Variants in YME1L1 observed in about 807,000 individuals in gnomAD.
YME1L1 encodes the protein YME1 like 1 ATPase.
In YME1L1, 39 loss-of-function variants were observed where a neutral mutation model predicts 90.4. The observed-to-expected ratio is 0.43, with a 90% CI of 0.33 to 0.56. The LOEUF (loss-of-function observed/expected upper bound fraction) is 0.56. Among genes scored for constraint, YME1L1 ranks in the 20% least tolerant of loss-of-function variants. The pLI is 0.03. For missense variants in YME1L1, 617 were observed against 868.4 expected (o/e 0.71, Z 3.64); for synonymous variants, 284 against 287.3 (o/e 0.99, Z 0.12).
At chr10:27,133,686 T>TA (rs368323760) in intron 7 of YME1L1, among the ~76,000 whole-genome samples, 5 of 151,672 alleles carry the variant, frequency 3.3e-5, no homozygotes, top group Non-Finnish European at 7.4e-5. Flanking sequence ...ATAAGCAAAC[T>TA]AAAAAAAAGG....
chr10:27,143,009 G>A (rs910956689), intron 3 of YME1L1, among the ~76,000 whole-genome samples: 34 of 152,046 alleles, frequency 2.2e-4, no homozygotes, highest in Non-Finnish European at 3.7e-4. Context: ...GAGCCACTGT[G>A]CCCAGCCTAC....
intron 8 of YME1L1, among the ~76,000 whole-genome samples, chr10:27,131,652 C>A (rs2056978687): frequency 6.6e-6 from 1 of 152,208 alleles, no homozygotes; most frequent in South Asian, 2.1e-4. Context: ...CTACACCAGG[C>A]TGCTCCTTCA....
At chr10:27,127,125 C>T (rs1454110074) in intron 8 of YME1L1, among the ~76,000 whole-genome samples, 1 of 152,160 alleles carries the variant, frequency 6.6e-6, no homozygotes, top group South Asian at 2.1e-4. Flanking sequence ...TAGCTTCACG[C>T]CAAAGGGCAT....
At chr10:27,121,530 GT>G (rs1267942682) in intron 11 of YME1L1, 82 bp from the exon 12 acceptor site, 2 of 1,061,630 alleles carry the variant, frequency 1.9e-6, no homozygotes, top group Non-Finnish European at 2.9e-6. Context: ...AAACTGGTTT[GT>G]TTTCTTTTTT....
chr10:27,144,053 C>T (rs577046974), intron 3 of YME1L1, among the ~76,000 whole-genome samples: 22 of 152,218 alleles, frequency 1.4e-4, no homozygotes, highest in African/African-American at 5.3e-4. Flanking sequence ...AATTTAGGGA[C>T]TTTTTTCAAG....
At chr10:27,127,330 CAT>C (rs969577091) in intron 8 of YME1L1, among the ~76,000 whole-genome samples, 3 of 152,118 alleles carry the variant, frequency 2.0e-5, no homozygotes, top group Non-Finnish European at 4.4e-5. Context: ...TGGTTAAAAA[CAT>C]AGCATTTTCT....
chr10:27,154,189 C>A lies in YME1L1; in HGVS notation c.22G>T (p.Val8Leu). 6.3e-7 allele frequency: 1 copy of A among 1,591,460 alleles called. No homozygotes were observed. The highest frequency in any genetic ancestry group is 1.7e-5 in the Admixed American group (1 of 57,158). ...AATGCCTGGCTTACCTGGGGTTGCA[C>A]CGTGCTCGACAAGGAAAACATCTCC... The part of the protein sequence containing the change: MFSLSST[V>L]QPQVTVPLSH... The change falls in exon 1 of 19, where the codon GTG becomes TTG. Residue 8 changes from valine to leucine, a missense_variant. Physicochemically the swap from Val to Leu is conservative, Grantham distance 32 (BLOSUM62 1). Around this residue, in one of 4 missense-constraint regions of YME1L1, gnomAD observed 311 missense variants for 335.8 expected, o/e 0.93. Coordinates refer to ENST00000376016, the MANE Select transcript of YME1L1 (RefSeq NM_014263.4).
At chr10:27,153,256 C>G (rs769211494) in intron 1 of YME1L1, 5 of 470,536 alleles carry the variant, frequency 1.1e-5, no homozygotes, top group Admixed American at 2.4e-5. Flanking sequence ...CAATAACAAG[C>G]AGCTGCTTCA....
Position 27,114,623 on chromosome 10 carries a change from A to C in YME1L1, c.1921-16T>G. The C allele has an allele frequency of 6.2e-7, 1 of 1,602,010 alleles. No individual in the cohort carries two copies. Among genetic ancestry groups the C allele is most frequent in the Non-Finnish European group, 8.5e-7 (1 of 1,173,342 alleles). ...TAACTCCAAGCTAAAACCAAAAGGAAGAAAGTAATTGAACAGAAAACCCCC... is the reference window on the plus strand; with the variant it reads ...TAACTCCAAGCTAAAACCAAAAGGACGAAAGTAATTGAACAGAAAACCCCC... On this transcript the variant is annotated splice_polypyrimidine_tract_variant and intron_variant, in intron 17 of 18. Coordinates refer to ENST00000376016, the MANE Select transcript of YME1L1 (RefSeq NM_014263.4).
chr10:27,145,297 A>AAAC, intron 3 of YME1L1, 131 bp downstream of exon 3: 6 of 783,740 alleles, frequency 7.7e-6, no homozygotes, highest in East Asian at 3.1e-5. Context: ...TGCAAAAAAA[A>AAAC]AAACAAAAAA....
At chr10:27,126,085 T>C (rs1390698766) in intron 9 of YME1L1, among the ~76,000 whole-genome samples, 1 of 152,096 alleles carries the variant, frequency 6.6e-6, no homozygotes, top group Non-Finnish European at 1.5e-5. Context: ...TAGTTAAAAA[T>C]TTATTTATTT....
intron 6 of YME1L1, 107 bp from the exon 7 acceptor site, chr10:27,134,229 C>T (rs2135876035): frequency 1.1e-6 from 1 of 905,768 alleles, no homozygotes; most frequent in Non-Finnish European, 1.7e-6. Flanking sequence ...TCATCACATC[C>T]AATTTTGGAA....
At chr10:27,115,167 C>T (rs575605011) in intron 17 of YME1L1, among the ~76,000 whole-genome samples, 28 of 152,232 alleles carry the variant, frequency 1.8e-4, no homozygotes, top group Non-Finnish European at 2.8e-4. Flanking sequence ...GCAGGAGAAT[C>T]GCTTGAACCC....
Position 27,132,374 on chromosome 10 carries a change from C to G in YME1L1, c.776-433G>C, listed in dbSNP as rs373011363. Among the ~76,000 whole-genome samples, 50 of 151,324 alleles carry G rather than the reference C, an allele frequency of 3.3e-4. 1 individual carries two copies. The East Asian group carries it at 6.8e-3, about 20-fold the overall frequency. On this transcript the variant is annotated intron_variant, in intron 7 of 18. Transcript: ENST00000376016. ...TCAGCCTCCCAAAGTGCTGGGATTA[C>G]AGGCGTGAGCCACTACGCCCGGCTG...
At position 27,122,971 on chromosome 10, in the gene YME1L1, C is replaced by T; in HGVS notation, c.1105G>A (p.Glu369Lys). 1 of 1,606,822 alleles carries T rather than the reference C, an allele frequency of 6.2e-7. No individual in the cohort carries two copies. The change falls in exon 11 of 19, where the codon GAA (glutamate) becomes AAA (lysine). Residue 369 changes from glutamate (E) to lysine (K), a missense_variant and splice_region_variant. Physicochemically the swap from Glu to Lys is moderately conservative, Grantham distance 56. Around this residue, in one of 4 missense-constraint regions of YME1L1, gnomAD observed 93 missense variants for 184.8 expected, o/e 0.50. Transcript: ENST00000376016. ...ACACAAGGAGCATTCGCCTTTGCTTCCCCTAAGAAAACAAAAAACATTCAA... is the reference window on the plus strand; with the variant it reads ...ACACAAGGAGCATTCGCCTTTGCTTTCCCTAAGAAAACAAAAAACATTCAA... ...GASRIRNLFR[E>K]AKANAPCVIF...
At chr10:27,112,823 C>G (rs895391453) in intron 18 of YME1L1, among the ~76,000 whole-genome samples, 1 of 151,972 alleles carries the variant, frequency 6.6e-6, no homozygotes, top group African/African-American at 2.4e-5. Context: ...CACCTCAGCC[C>G]AAGTAGCTGG....
chr10:27,124,999 T>C (rs1358462116), intron 9 of YME1L1, among the ~76,000 whole-genome samples: 1 of 152,216 alleles, frequency 6.6e-6, no homozygotes, highest in Non-Finnish European at 1.5e-5. Context: ...ACTGATTTAA[T>C]AAATGTACCC....
intron 5 of YME1L1, 100 bp from the exon 6 acceptor site, chr10:27,135,081 T>C: frequency 8.5e-7 from 1 of 1,177,068 alleles, no homozygotes; most frequent in Non-Finnish European, 1.2e-6. Flanking sequence ...TTCTGTATAA[T>C]TTTTACTGTC....
At chr10:27,133,503 T>C (rs2056996921) in intron 7 of YME1L1, among the ~76,000 whole-genome samples, 1 of 152,122 alleles carries the variant, frequency 6.6e-6, no homozygotes, top group South Asian at 2.1e-4. Flanking sequence ...GGAAAACAAA[T>C]TTAAAATAGT....
Sources: gnomAD v4.1 joint callset for allele counts (sites outside exome capture counted in the v4.1 genomes callset) on GRCh38, gnomAD v4.1.1 for gene constraint, gnomAD v4.1.1 regional missense constraint, MANE v1.5 for transcripts, NCBI Gene and HGNC (gene_info 2026-07-23, HGNC 2026-07-21) for gene names.